Variants in EDDM13 observed in about 807,000 individuals in gnomAD.
EDDM13 encodes epididymal protein 13.
EDDM13 carries 24 observed loss-of-function variants against 17.8 expected under a neutral mutation model. That is an observed-to-expected ratio of 1.35 (90% CI 0.98 to 1.90). The LOEUF (loss-of-function observed/expected upper bound fraction) is 1.90, where lower values mean the gene tolerates loss of function less well. Among genes scored for constraint, EDDM13 ranks in the 40% most tolerant of loss-of-function variants. EDDM13 has a pLI of 0.00. For missense variants in EDDM13, 97 were observed against 100.8 expected (o/e 0.96, Z 0.16); for synonymous variants, 31 against 37.5 (o/e 0.83, Z 0.63).
At chr19:56,281,083 A>T (rs10413678) in intron 2 of EDDM13, among the ~76,000 whole-genome samples, 1,730 of 152,338 alleles carry the variant, frequency 0.011, 37 homozygotes, top group African/African-American at 0.039. Flanking sequence ...TATGTTACAT[A>T]TATTACATGC....
chr19:56,304,560 C>T (rs1264372302), intron 13 of EDDM13, among the ~76,000 whole-genome samples: 2 of 152,110 alleles, frequency 1.3e-5, no homozygotes, highest in Non-Finnish European at 2.9e-5. Flanking sequence ...GATTGTGCTG[C>T]TTATGGGGAT....
At chr19:56,288,199 T>G (rs1035720062) in intron 6 of EDDM13, among the ~76,000 whole-genome samples, 186 bp from the exon 7 acceptor site, 43 of 152,040 alleles carry the variant, frequency 2.8e-4, no homozygotes, top group African/African-American at 9.9e-4. Context: ...CTCCAGATAC[T>G]CTCCAGCCAC....
At chr19:56,282,364 C>T (rs1218218999) in intron 3 of EDDM13, 127 bp from the exon 4 acceptor site, 1 of 387,308 alleles carries the variant, frequency 2.6e-6, no homozygotes, top group Non-Finnish European at 3.5e-6. Context: ...ATCTCAGGAC[C>T]TATGGGGTGC....
At chr19:56,302,594 CTCCCTCTTCTT>C (rs2040390488) in intron 13 of EDDM13, among the ~76,000 whole-genome samples, 4 of 39,414 alleles carry the variant, frequency 1.0e-4, no homozygotes, top group South Asian at 1.2e-3. Flanking sequence ...TTTTCTTCCT[CTCCCTCTTCTT>C]CCTCTCCCTC....
intron 12 of EDDM13, among the ~76,000 whole-genome samples, chr19:56,301,540 C>T (rs756328317): frequency 5.3e-5 from 8 of 152,122 alleles, no homozygotes; most frequent in Non-Finnish European, 1.2e-4. Context: ...TCAGCAGGGT[C>T]TTTGCGACTT....
intron 13 of EDDM13, among the ~76,000 whole-genome samples, chr19:56,303,411 G>A (rs1050651445): frequency 2.0e-5 from 3 of 151,778 alleles, no homozygotes; most frequent in African/African-American, 7.3e-5. Context: ...CTGGGAAGCA[G>A]AGGTTGCAGT....
At chr19:56,296,950 T>G (rs1245527807) in intron 11 of EDDM13, among the ~76,000 whole-genome samples, 3 of 152,144 alleles carry the variant, frequency 2.0e-5, no homozygotes, top group Admixed American at 6.5e-5. Context: ...GCACCTGTAA[T>G]CCTAGCTACT....
intron 14 of EDDM13, among the ~76,000 whole-genome samples, chr19:56,305,244 C>T (rs773313359): frequency 3.3e-5 from 5 of 150,486 alleles, no homozygotes; most frequent in Non-Finnish European, 5.9e-5. Context: ...ACCAAGACAT[C>T]GTCTCTTCCC....
intron 12 of EDDM13, chr19:56,300,069 G>C (rs555799002): frequency 6.6e-6 from 1 of 152,308 alleles, no homozygotes; most frequent in South Asian, 2.1e-4. Context: ...GTATATCTGA[G>C]AGGCTTGGGA....
intron 2 of EDDM13, among the ~76,000 whole-genome samples, chr19:56,277,838 T>C (rs185981745): frequency 1.2e-4 from 19 of 152,270 alleles, no homozygotes; most frequent in African/African-American, 4.6e-4. Context: ...ACTAAAATCC[T>C]AGACTTCACC....
intron 2 of EDDM13, among the ~76,000 whole-genome samples, chr19:56,279,926 C>A (rs1600168229): frequency 6.6e-6 from 1 of 152,058 alleles, no homozygotes; most frequent in East Asian, 1.9e-4. Flanking sequence ...ATTTAAATTA[C>A]TAATTAATTA....
At chr19:56,284,033 C>A (rs2038917014) in intron 4 of EDDM13, 165 bp from the exon 5 acceptor site, 3 of 207,274 alleles carry the variant, frequency 1.4e-5, no homozygotes, top group South Asian at 3.4e-4. Flanking sequence ...CATGCATGAC[C>A]CCTTGTGGAT....
rs2038230706 is a variant in EDDM13 at position 56,276,125 on chromosome 19, C to A, written c.103+16C>A. Among the ~76,000 whole-genome samples the A allele has an allele frequency of 6.6e-6, 1 of 152,184 alleles. No individual in the cohort carries two copies. Among genetic ancestry groups the A allele is most frequent in the Non-Finnish European group, 1.5e-5 (1 of 68,028 alleles). On this transcript the variant is annotated intron_variant, in intron 2 of 14. Coordinates refer to ENST00000649256, the MANE Select transcript of EDDM13 (RefSeq NM_001354658.2). ...AAAGAAAAAAGTAAGAACCGTGGAACCCCCAAGTCTGTATTTTCATAGCTA... is the reference window on the plus strand; with the variant it reads ...AAAGAAAAAAGTAAGAACCGTGGAAACCCCAAGTCTGTATTTTCATAGCTA...
intron 12 of EDDM13, among the ~76,000 whole-genome samples, chr19:56,300,686 C>A (rs1448856243): frequency 6.6e-6 from 1 of 152,162 alleles, no homozygotes; most frequent in African/African-American, 2.4e-5. Flanking sequence ...GTAATCGCTT[C>A]CTGAATTTTC....
chr19:56,281,611 G>C (rs1027432777), intron 2 of EDDM13, 82 bp from the exon 3 acceptor site: 2 of 704,960 alleles, frequency 2.8e-6, no homozygotes, highest in African/African-American at 1.9e-5. Context: ...AACAGAGATG[G>C]ATGATGTTAA....
In EDDM13 at chr19:56,280,737, G is replaced by A. The variant is rs375779294; in HGVS notation, c.104-956G>A. 2.6e-5 allele frequency: 4 copies of A among 152,306 alleles called. No homozygotes were observed. The East Asian group carries it at 7.7e-4, about 29-fold the overall frequency. The allele number at this position is 152,306 out of a possible 1,614,324, so 9.4% of individuals were successfully genotyped here. A position where few individuals can be genotyped will look rare whatever the true frequency, so the allele number is the denominator to read the frequency against. On this transcript the variant is annotated intron_variant, in intron 2 of 14. Transcript: ENST00000649256. ...GGACAGAGAGAGAGACAGAAACAGAGACAGAGAGCTCAGAGCTTCAAGCCC... is the reference window on the plus strand; with the variant it reads ...GGACAGAGAGAGAGACAGAAACAGAAACAGAGAGCTCAGAGCTTCAAGCCC...
At chr19:56,301,080 C>T (rs182309797) in intron 12 of EDDM13, among the ~76,000 whole-genome samples, 19 of 151,992 alleles carry the variant, frequency 1.3e-4, no homozygotes, top group African/African-American at 3.4e-4. Flanking sequence ...AAAGGGGTCC[C>T]GATCAAGACC....
At chr19:56,276,730 T>A (rs2038295301) in intron 2 of EDDM13, among the ~76,000 whole-genome samples, 1 of 151,762 alleles carries the variant, frequency 6.6e-6, no homozygotes, top group African/African-American at 2.4e-5. Flanking sequence ...ATAGACGGGG[T>A]TTCACCATGT....
intron 13 of EDDM13, chr19:56,303,015 C>T: frequency 2.5e-6 from 1 of 396,458 alleles, no homozygotes; most frequent in Non-Finnish European, 4.4e-6. Flanking sequence ...GCGCTTATCT[C>T]AGCCTAGGGG....
Sources: allele counts gnomAD v4.1 joint callset (sites outside exome capture counted in the v4.1 genomes callset), GRCh38; gene constraint gnomAD v4.1.1; transcripts MANE v1.5; gene names NCBI Gene and HGNC (gene_info 2026-07-23, HGNC 2026-07-21).